INPP4B: variants seen among roughly 807,000 people sequenced by gnomAD.
The protein encoded by INPP4B is inositol polyphosphate 4-phosphatase type II.
INPP4B carries 55 observed loss-of-function variants against 122.5 expected under a neutral mutation model. That is an observed-to-expected ratio of 0.45 (90% CI 0.36 to 0.56). INPP4B has a LOEUF of 0.56. Among genes scored for constraint, INPP4B ranks in the 20% least tolerant of loss-of-function variants. The pLI, the probability that INPP4B is intolerant of heterozygous loss-of-function variation, is 0.00. For synonymous variants in INPP4B, 403 were observed against 388.7 expected, an observed-to-expected ratio of 1.04 and a Z score of -0.43; for missense variants, 1,000 against 1,097.7, an observed-to-expected ratio of 0.91 and a Z score of 1.26.
intron 2 of INPP4B, among the ~76,000 whole-genome samples, chr4:142,584,128 GT>G (rs1032189971): frequency 2.7e-5 from 4 of 150,894 alleles, no homozygotes; most frequent in Admixed American, 6.6e-5. Flanking sequence ...GAGAATATGA[GT>G]TTTTTTTTCT....
chr4:142,520,821 G>A (rs780650077), intron 2 of INPP4B, among the ~76,000 whole-genome samples: 1 of 151,880 alleles, frequency 6.6e-6, no homozygotes, highest in Non-Finnish European at 1.5e-5. Flanking sequence ...ATAAATGAAT[G>A]AATAAATGAA....
At chr4:142,422,103 A>T (rs1228037640) in intron 5 of INPP4B, among the ~76,000 whole-genome samples, 2 of 152,042 alleles carry the variant, frequency 1.3e-5, no homozygotes, top group Non-Finnish European at 2.9e-5. Flanking sequence ...ATAATATGGG[A>T]GAGATATTAT....
At chr4:142,607,857 A>G (rs537443343) in intron 2 of INPP4B, among the ~76,000 whole-genome samples, 1 of 152,222 alleles carries the variant, frequency 6.6e-6, no homozygotes, top group East Asian at 1.9e-4. Flanking sequence ...CCTTTCCACT[A>G]TTACCCTTAA....
chr4:142,377,171 G>T (rs1323015416), intron 7 of INPP4B, among the ~76,000 whole-genome samples: 1 of 151,554 alleles, frequency 6.6e-6, no homozygotes, highest in South Asian at 2.1e-4. Context: ...ACAAATTTTA[G>T]GTGGCTCCAA....
At chr4:142,781,768 T>C (rs1369027964) in intron 1 of INPP4B, among the ~76,000 whole-genome samples, 1 of 152,120 alleles carries the variant, frequency 6.6e-6, no homozygotes, top group African/African-American at 2.4e-5. Context: ...TACTGCAATA[T>C]TAAACATATA....
chr4:142,634,285 T>C (rs1444217623), intron 2 of INPP4B, among the ~76,000 whole-genome samples: 1 of 152,038 alleles, frequency 6.6e-6, no homozygotes, highest in Non-Finnish European at 1.5e-5. Flanking sequence ...CTTTCACAAA[T>C]TGTTTCAGAG....
At chr4:142,474,945 T>A (rs1195278469) in intron 2 of INPP4B, among the ~76,000 whole-genome samples, 1 of 152,234 alleles carries the variant, frequency 6.6e-6, no homozygotes, top group Non-Finnish European at 1.5e-5. Context: ...CACACCCACC[T>A]GTCATAGCCA....
rs1767302643 is a variant in INPP4B, at chr4:142,315,645, A to T, written c.373-883T>A. Among the ~76,000 whole-genome samples the T allele has an allele frequency of 2.0e-5, 3 of 151,740 alleles. No homozygotes were observed. In the South Asian group the frequency reaches 6.3e-4, roughly 32 times the overall value. On this transcript the variant is annotated intron_variant, in intron 7 of 25. Coordinates refer to ENST00000262992, the MANE Select transcript of INPP4B (RefSeq NM_001101669.3). ...AAACACATTTCAAATAAAAAAAGTC[A>T]TGATTACCTTTCTTGCTTCAGAAAA...
intron 12 of INPP4B, among the ~76,000 whole-genome samples, chr4:142,212,301 G>C (rs1410796540): frequency 6.6e-6 from 1 of 152,090 alleles, no homozygotes; most frequent in Admixed American, 6.6e-5. Flanking sequence ...CCTCCAACTA[G>C]TCCCTGAGGC....
chr4:142,084,572 T>C (rs1296428698), intron 24 of INPP4B, among the ~76,000 whole-genome samples: 1 of 152,202 alleles, frequency 6.6e-6, no homozygotes, highest in African/African-American at 2.4e-5. Context: ...TTTAAAAGTA[T>C]CATAAATAGG....
intron 2 of INPP4B, among the ~76,000 whole-genome samples, chr4:142,568,208 G>A (rs1732065935): frequency 6.6e-6 from 1 of 151,374 alleles, no homozygotes; most frequent in African/African-American, 2.4e-5. Context: ...GGGAGAAAGA[G>A]CAGTCTGATC....
intron 2 of INPP4B, among the ~76,000 whole-genome samples, chr4:142,577,308 G>A (rs1734067519): frequency 6.6e-6 from 1 of 151,960 alleles, no homozygotes; most frequent in Non-Finnish European, 1.5e-5. Context: ...CCAATTTCAA[G>A]CCTACCAACA....
intron 15 of INPP4B, among the ~76,000 whole-genome samples, chr4:142,179,824 C>G (rs1426038377): frequency 6.6e-6 from 1 of 152,152 alleles, no homozygotes; most frequent in Non-Finnish European, 1.5e-5. Context: ...CCTATTCCCA[C>G]TTATCCACGA....
At position 142,836,826 on chromosome 4, in the gene INPP4B, A is replaced by C. The variant is rs1782842397; in HGVS notation, c.-254+9383T>G. On this transcript the variant is annotated intron_variant, in intron 1 of 25. Transcript: ENST00000262992. ...AAAATATATATTAATAACATAAATG[A>C]CAACGGGTCAGTATTCTTACCCTAA... Among the ~76,000 whole-genome samples, 3 of 152,286 alleles carry C rather than the reference A, an allele frequency of 2.0e-5. No homozygotes were observed. The East Asian group carries it at 5.8e-4, about 29-fold the overall frequency.
intron 2 of INPP4B, among the ~76,000 whole-genome samples, chr4:142,469,196 A>G (rs1818361541): frequency 6.6e-6 from 1 of 152,038 alleles, no homozygotes; most frequent in Non-Finnish European, 1.5e-5. Flanking sequence ...ATGCAAGGTA[A>G]ATTTGCAGCA....
At chr4:142,663,943 T>C (rs1362453379) in intron 2 of INPP4B, among the ~76,000 whole-genome samples, 1 of 152,160 alleles carries the variant, frequency 6.6e-6, no homozygotes, top group Non-Finnish European at 1.5e-5. Context: ...CTTGGGAAAA[T>C]ATTTCCAGAT....
intron 1 of INPP4B, among the ~76,000 whole-genome samples, chr4:142,777,156 C>T (rs980064586): frequency 2.0e-5 from 3 of 151,960 alleles, no homozygotes; most frequent in Admixed American, 6.6e-5. Flanking sequence ...GATAGACAGC[C>T]CCTAGGGTGA....
chr4:142,811,262 T>G (rs961701216), intron 1 of INPP4B, among the ~76,000 whole-genome samples: 3 of 152,282 alleles, frequency 2.0e-5, no homozygotes, highest in Non-Finnish European at 4.4e-5. Flanking sequence ...AGGAGCATAA[T>G]GCAGGCAGAG....
At chr4:142,489,708 G>A (rs1821625437) in intron 2 of INPP4B, among the ~76,000 whole-genome samples, 1 of 151,964 alleles carries the variant, frequency 6.6e-6, no homozygotes, top group Admixed American at 6.6e-5. Context: ...TGGTGTTTAG[G>A]CTTTTTTGTC....
Sources: gnomAD v4.1 joint callset for allele counts (sites outside exome capture counted in the v4.1 genomes callset) on GRCh38, gnomAD v4.1.1 for gene constraint, MANE v1.5 for transcripts, NCBI Gene and HGNC (gene_info 2026-07-23, HGNC 2026-07-21) for gene names.